Variants in TTN observed in about 807,000 individuals in gnomAD.
TTN encodes connectin.
Under a neutral mutation model 3,223.0 loss-of-function variants are expected in TTN, and 1,525 were observed. The observed-to-expected ratio is 0.47, with a 90% CI of 0.45 to 0.49. The LOEUF (loss-of-function observed/expected upper bound fraction) is 0.49, where lower values mean the gene tolerates loss of function less well. TTN is among the 20% of genes least tolerant of loss of function. The pLI is 0.00. For synonymous variants in TTN, 14,094 were observed against 15,161.0 expected (o/e 0.93, Z 5.17); for missense variants, 40,786 against 43,424.0 (o/e 0.94, Z 5.40).
intron 121 of TTN, among the ~76,000 whole-genome samples, chr2:178,690,646 G>T (rs1178524837): frequency 1.3e-5 from 2 of 152,040 alleles, no homozygotes; most frequent in African/African-American, 4.8e-5. Context: ...ATGCATTATT[G>T]GCAATAATTG....
chr2:178,751,032 G>A, intron 47 of TTN: 1 of 1,612,590 alleles, frequency 6.2e-7, no homozygotes. Context: ...AAGCTTGTGG[G>A]AAGTTCCTCA....
Position 178,532,092 on chromosome 2 carries a change from G to C in TTN, c.104523C>G (p.Arg34841=). Reference sequence around the variant, plus strand: ...ACTCAATATAAGTTGGAGACAGGGAGCGCCGTCGTCTCAGTAGTCTAGACG... The same window carrying C: ...ACTCAATATAAGTTGGAGACAGGGACCGCCGTCGTCTCAGTAGTCTAGACG... ...SSASRLLRRR[R]SLSPTYIELM... The change falls in exon 358 of 363, where the codon CGC becomes CGG. Residue 34841 remains arginine, a synonymous_variant. Transcript: ENST00000589042. The C allele has an allele frequency of 1.2e-6, 2 of 1,613,938 alleles. No individual in the cohort carries two copies. Among genetic ancestry groups the C allele is most frequent in the South Asian group, 2.2e-5 (2 of 91,088 alleles).
In TTN at chr2:178,544,060, A is replaced by G. The variant is rs1553518744; in HGVS notation, c.96084T>C (p.Ala32028=). The G allele has an allele frequency of 6.2e-7, 1 of 1,613,594 alleles. No homozygotes were observed. ...DDLKKTVTIR[A]GASLRLMVSV... The stretch of plus-strand genomic sequence containing the variant: ...ACACCATCAAGCGCAAGGAGGCCCC[A>G]GCCCTGATGGTCACAGTCTTCTTTA... The change falls in exon 346 of 363, where the codon GCT becomes GCC. Residue 32028 remains alanine (A), a synonymous_variant. Transcript: ENST00000589042.
chr2:178,560,824 G>A lies in TTN; in HGVS notation c.85308C>T (p.Ala28436=), dbSNP rs765611726. The change falls in exon 326 of 363, where the codon GCC becomes GCT. Residue 28436 remains alanine (A), a synonymous_variant. Coordinates refer to ENST00000589042, the MANE Select transcript of TTN (RefSeq NM_001267550.2). ...GQYVLTLKNV[A]GTRSVAVNCK... ...AATTAACGGCCACAGACCGAGTGCC[G>A]GCAACATTCTTCAGTGTTAGTACAT... is the stretch of plus-strand genomic sequence containing the variant. 4.0e-5 allele frequency: 65 copies of A among 1,613,576 alleles called. No homozygotes were observed. In the South Asian group the frequency reaches 5.4e-4, roughly 13 times the overall value.
Position 178,590,762 on chromosome 2 carries a change from G to GTT in TTN, c.60961_60962dup (p.Asn20321LysfsTer9). 1 of 1,608,742 alleles carries GTT rather than the reference G, an allele frequency of 6.2e-7. No homozygotes were observed. Among genetic ancestry groups the GTT allele is most frequent in the Non-Finnish European group, 8.5e-7 (1 of 1,176,132 alleles). ...ACTTCAGGTCAGCGATAGGTGTTTT[G>GTT]TTGACCCTCACCCATTTGCCAGTTA... is the stretch of plus-strand genomic sequence containing the variant. On this transcript the variant is annotated frameshift_variant, in exon 304 of 363. Transcript: ENST00000589042. LOFTEE classifies it high-confidence loss of function.
chr2:178,748,548 G>T (rs779479359), intron 47 of TTN: 1 of 1,612,966 alleles, frequency 6.2e-7, no homozygotes, highest in South Asian at 1.1e-5. Context: ...ATTTGTTTTA[G>T]ATCAAATACA....
In TTN at chr2:178,731,924, C is replaced by T. The variant is rs368458199; in HGVS notation, c.16951G>A (p.Glu5651Lys). ...KEFKPIEVLK[E>K]YDVMLLAEVA... ...TCAGCCAGCAACATGACATCGTACT[C>T]CTTTAAGACTTCAATTGGCTTAAAT... The change falls in exon 58 of 363, where the codon GAG (glutamate) becomes AAG (lysine). Residue 5651 changes from glutamate (E) to lysine (K), a missense_variant. Glu to Lys is a moderately conservative substitution (Grantham distance 56). Transcript: ENST00000589042. The T allele has an allele frequency of 2.5e-6, 4 of 1,612,132 alleles. No individual in the cohort carries two copies. The African/African-American group carries it at 5.3e-5, about 22-fold the overall frequency.
At position 178,559,659 on chromosome 2, in the gene TTN, A is replaced by T. The variant is rs1575605256; in HGVS notation, c.86473T>A (p.Leu28825Ile). Reference sequence around the variant, plus strand: ...GCACTCAAAACATTCTGAATTGTTAATGTGTACTTTCCAGAGTCATTTCTG... The same window carrying T: ...GCACTCAAAACATTCTGAATTGTTATTGTGTACTTTCCAGAGTCATTTCTG... The part of the protein sequence containing the change: ...ANRNDSGKYT[L>I]TIQNVLSAAS... Residue 28825 changes from leucine to isoleucine, a missense_variant, in exon 326 of 363, where the codon TTA (leucine) becomes ATA (isoleucine). Transcript: ENST00000589042. The T allele has an allele frequency of 6.2e-7, 1 of 1,613,270 alleles. No individual in the cohort carries two copies. The highest frequency in any genetic ancestry group is 1.1e-5 in the South Asian group (1 of 90,934).
At position 178,575,570 on chromosome 2, in the gene TTN, G is replaced by A. The variant is rs775589244; in HGVS notation, c.70562C>T (p.Thr23521Ile). 1 of 1,613,606 alleles carries A rather than the reference G, an allele frequency of 6.2e-7. No homozygotes were observed. Among genetic ancestry groups the A allele is most frequent in the Admixed American group, 1.7e-5 (1 of 59,998 alleles). ...AENEYGIGEP[T>I]ETTEPVKASE... The stretch of plus-strand genomic sequence containing the variant: ...GGCTTTTACGGGCTCTGTAGTTTCT[G>A]TTGGCTCACCAATTCCATATTCATT... The change falls in exon 326 of 363, where the codon ACA becomes ATA. Residue 23521 changes from threonine to isoleucine, a missense_variant. Thr to Ile is a moderately conservative substitution (Grantham distance 89). Transcript: ENST00000589042. This position sits in a 1 kb window ranked among gnomAD's most constrained non-coding sequence, Gnocchi z 4.0.
Position 178,751,774 on chromosome 2 carries a change from C to T in TTN, c.11311+1350G>A, listed in dbSNP as rs370206902. 3.7e-6 allele frequency: 6 copies of T among 1,613,044 alleles called. No homozygotes were observed. The Admixed American group carries it at 5.0e-5, about 13-fold the overall frequency. ...TCCGACGAAGACCTGTTGGGATGGG[C>T]CGATTGTTATGAAACCAAGTCATTT... On this transcript the variant is annotated intron_variant, in intron 47 of 362. Transcript: ENST00000589042.
At position 178,775,561 on chromosome 2, in the gene TTN, G is replaced by C; in HGVS notation, c.6303C>G (p.Val2101=). 1 of 1,613,986 alleles carries C rather than the reference G, an allele frequency of 6.2e-7. No individual in the cohort carries two copies. ...QGSDAHFRVR[V]VGKPDPECEW... is the part of the protein sequence containing the mutation. Reference sequence around the variant, plus strand: ...CACATTCGGGGTCTGGTTTCCCCACGACTCTGACCCGGAAGTGTGCATCAG... The same window carrying C: ...CACATTCGGGGTCTGGTTTCCCCACCACTCTGACCCGGAAGTGTGCATCAG... The change falls in exon 28 of 363, where the codon GTC becomes GTG. Residue 2101 remains valine, a synonymous_variant. Coordinates refer to ENST00000589042, the MANE Select transcript of TTN (RefSeq NM_001267550.2).
chr2:178,748,756 C>G (rs755788329), intron 47 of TTN: 1 of 1,612,406 alleles, frequency 6.2e-7, no homozygotes, highest in Non-Finnish European at 8.5e-7. Flanking sequence ...CCTGTTGTTC[C>G]CTTTCTTGTG....
In TTN at chr2:178,577,148, G is replaced by A; in HGVS notation, c.69187C>T (p.Pro23063Ser). Residue 23063 changes from proline to serine, a missense_variant, in exon 324 of 363, where the codon CCT (proline) becomes TCT (serine). Physicochemically the swap from Pro to Ser is moderately conservative, Grantham distance 74. Transcript: ENST00000589042. ...SAEKATLTWT[P>S]PLEDGGSPIK... ...GGTGAGCCGCCATCTTCCAAGGGAG[G>A]TGTCCATGTAAGTGTTGCTTTTTCA... 1 of 1,613,092 alleles carries A rather than the reference G, an allele frequency of 6.2e-7. No homozygotes were observed. The highest frequency in any genetic ancestry group is 8.5e-7 in the Non-Finnish European group (1 of 1,179,500).
chr2:178,547,592 A>G lies in TTN; in HGVS notation c.94034T>C (p.Ile31345Thr), dbSNP rs1297026884. ...TGTACCCGATTCACGCTTTTCAACTATGTAATTAGTAATTTCAGTGCCTCC... is the reference window on the plus strand; with the variant it reads ...TGTACCCGATTCACGCTTTTCAACTGTGTAATTAGTAATTTCAGTGCCTCC... ...DGGGTEITNYIVEKRESGTTA... is the reference protein window; with the variant it reads ...DGGGTEITNYTVEKRESGTTA... Residue 31345 changes from isoleucine to threonine, a missense_variant, in exon 339 of 363, where the codon ATA becomes ACA. Transcript: ENST00000589042. 1 of 1,613,858 alleles carries G rather than the reference A, an allele frequency of 6.2e-7. No individual in the cohort carries two copies. Among genetic ancestry groups the G allele is most frequent in the Non-Finnish European group, 8.5e-7 (1 of 1,179,812 alleles).
At position 178,559,594 on chromosome 2, in the gene TTN, T is replaced by A. The variant is rs747423090; in HGVS notation, c.86538A>T (p.Pro28846=). 92 of 1,613,726 alleles carry A rather than the reference T, an allele frequency of 5.7e-5. No individual in the cohort carries two copies. Among genetic ancestry groups the A allele is most frequent in the Non-Finnish European group, 7.5e-5 (88 of 1,179,780 alleles). The change falls in exon 326 of 363, where the codon CCA becomes CCT. Residue 28846 remains proline, a synonymous_variant. Coordinates refer to ENST00000589042, the MANE Select transcript of TTN (RefSeq NM_001267550.2). Reference sequence around the variant, plus strand: ...GCACAGTAATGTTGGTTGGAGGACCTGGGGTATCTAAAACTTTGACAACTA... The same window carrying A: ...GCACAGTAATGTTGGTTGGAGGACCAGGGGTATCTAAAACTTTGACAACTA... ...LTLVVKVLDT[P]GPPTNITVQD...
chr2:178,619,091 T>A (rs2057857992), intron 250 of TTN: 1 of 565,628 alleles, frequency 1.8e-6, no homozygotes, highest in Admixed American at 3.7e-5. Flanking sequence ...AAGACATGCA[T>A]TCCTTGCCAA....
In TTN at chr2:178,729,785, G is replaced by A. The variant is rs886043405; in HGVS notation, c.18468C>T (p.Phe6156=). The A allele has an allele frequency of 2.5e-6, 4 of 1,613,716 alleles. No homozygotes were observed. Among genetic ancestry groups the A allele is most frequent in the Non-Finnish European group, 3.4e-6 (4 of 1,179,738 alleles). Residue 6156 remains phenylalanine (F), a synonymous_variant, in exon 63 of 363, where the codon TTC becomes TTT. Transcript: ENST00000589042. ...ITAIQKHGIS[F]IDGLATFQIS... ...TCTGGAAAGTGGCTAAACCATCAATGAAGGAAATGCCATGTTTCTGAATGG... is the reference window on the plus strand; with the variant it reads ...TCTGGAAAGTGGCTAAACCATCAATAAAGGAAATGCCATGTTTCTGAATGG...
rs1689866422 is a variant in TTN at position 178,533,019 on chromosome 2, C to T, written c.103596G>A (p.Glu34532=). ...CATAAGGCATCCGGAGTTTTCTCTCCTCCTTCTTTTCTTCTATCTCAAGTC... is the reference window on the plus strand; with the variant it reads ...CATAAGGCATCCGGAGTTTTCTCTCTTCCTTCTTTTCTTCTATCTCAAGTC... ...EFRLEIEEKK[E]ERKLRMPYDV... is the part of the protein sequence containing the mutation. The change falls in exon 358 of 363, where the codon GAG becomes GAA. Residue 34532 remains glutamate, a synonymous_variant. Coordinates refer to ENST00000589042, the MANE Select transcript of TTN (RefSeq NM_001267550.2). 6.2e-7 allele frequency: 1 copy of T among 1,613,780 alleles called. No individual in the cohort carries two copies. The highest frequency in any genetic ancestry group is 8.5e-7 in the Non-Finnish European group (1 of 1,179,846).
rs1002285486 is a variant in TTN at position 178,773,549 on chromosome 2, C to G, written c.7507G>C (p.Val2503Leu). ...AIVKGTKQRL[V>L]INRTHASDEG... ...TCTGAAGCATGAGTTCGGTTAATGA[C>G]TAGTCGCTGTTTAGTACCTTTCACA... Residue 2503 changes from valine to leucine, a missense_variant, in exon 32 of 363, where the codon GTC (valine) becomes CTC (leucine). Physicochemically the swap from Val to Leu is conservative, Grantham distance 32. Transcript: ENST00000589042. 1 of 1,614,050 alleles carries G rather than the reference C, an allele frequency of 6.2e-7. No homozygotes were observed. The highest frequency in any genetic ancestry group is 2.2e-5 in the East Asian group (1 of 44,856).
Sources: gnomAD v4.1 joint callset for allele counts (sites outside exome capture counted in the v4.1 genomes callset) on GRCh38, gnomAD v4.1.1 for gene constraint, Gnocchi (gnomAD v3.1) non-coding constraint, MANE v1.5 for transcripts, NCBI Gene and HGNC (gene_info 2026-07-23, HGNC 2026-07-21) for gene names.